The following NPAS3 variants were observed in gnomAD, a reference collection of about 807,000 sequenced individuals.
NPAS3 encodes neuronal PAS domain-containing protein 3.
A neutral mutation model predicts 73.1 loss-of-function variants in NPAS3; 14 were observed. The observed-to-expected ratio is 0.19, with a 90% CI of 0.13 to 0.30. The LOEUF (loss-of-function observed/expected upper bound fraction) is 0.30. Among genes scored for constraint, NPAS3 ranks in the 10% least tolerant of loss-of-function variants. The probability of loss-of-function intolerance (pLI) is 1.00; values close to 1 mark genes in which losing one functional copy is unlikely to be tolerated. For missense variants in NPAS3, 1,096 were observed against 1,250.0 expected (o/e 0.88, Z 1.86); for synonymous variants, 620 against 541.5 (o/e 1.14, Z -2.01).
rs76007742 is a variant in NPAS3 at position 33,222,077 on chromosome 14, A to G, written c.385+6651A>G. Among the ~76,000 whole-genome samples, 765 of 152,272 alleles carry G rather than the reference A, an allele frequency of 5.0e-3. 11 individuals are homozygous for G. The highest frequency in any genetic ancestry group is 0.017 in the African/African-American group (707 of 41,554). Reference sequence around the variant, plus strand: ...GACTGGACAAAAAAGGCATGATGTAATGATAATAACTTGAGGGGAATTCCA... The same window carrying G: ...GACTGGACAAAAAAGGCATGATGTAGTGATAATAACTTGAGGGGAATTCCA... On this transcript the variant is annotated intron_variant, in intron 3 of 11. Transcript: ENST00000356141.
At chr14:33,088,261 A>C (rs1006671955) in intron 2 of NPAS3, among the ~76,000 whole-genome samples, 3 of 150,380 alleles carry the variant, frequency 2.0e-5, no homozygotes, top group South Asian at 4.1e-4. Context: ...CAGGAAGTGC[A>C]AGGGGTCAGG....
In NPAS3 at chr14:33,714,642, C is replaced by G. The variant is rs182353415; in HGVS notation, c.734-20572C>G. Among the ~76,000 whole-genome samples the G allele has an allele frequency of 4.6e-5, 7 of 152,172 alleles. No homozygotes were observed. The East Asian group carries it at 1.4e-3, about 29-fold the overall frequency. On this transcript the variant is annotated intron_variant, in intron 6 of 11. Transcript: ENST00000356141. ...ACTATATTTTCTTTAATTTATTTCC[C>G]TTTTTAAAAGCAAGAGAGATAATTA...
At chr14:33,078,124 G>T (rs924941859) in intron 2 of NPAS3, among the ~76,000 whole-genome samples, 1 of 151,688 alleles carries the variant, frequency 6.6e-6, no homozygotes, top group African/African-American at 2.4e-5. Context: ...GGGCAACAGA[G>T]CAAGACTGTT....
chr14:33,734,407 C>T (rs2061474595), intron 6 of NPAS3, among the ~76,000 whole-genome samples: 3 of 152,134 alleles, frequency 2.0e-5, no homozygotes, highest in African/African-American at 7.2e-5. Flanking sequence ...AGACGGCAAA[C>T]TACCATTTTA....
chr14:33,375,478 C>T (rs1315144), intron 4 of NPAS3, among the ~76,000 whole-genome samples: 3,186 of 152,190 alleles, frequency 0.021, 45 homozygotes, highest in Non-Finnish European at 0.029. Context: ...CTGTGTTGCA[C>T]GGCTTTTAAG....
intron 5 of NPAS3, among the ~76,000 whole-genome samples, chr14:33,616,640 TCA>T (rs1286551165): frequency 6.6e-6 from 1 of 152,206 alleles, no homozygotes; most frequent in Non-Finnish European, 1.5e-5. Context: ...TGTTGGAATC[TCA>T]CTCTCAGCGC....
chr14:33,118,951 T>C (rs957447603), intron 2 of NPAS3, among the ~76,000 whole-genome samples: 2 of 151,866 alleles, frequency 1.3e-5, no homozygotes, highest in Admixed American at 6.6e-5. Flanking sequence ...TGCAGTTCAG[T>C]TTGTGCCTAA....
intron 5 of NPAS3, among the ~76,000 whole-genome samples, chr14:33,640,209 A>T (rs1422642443): frequency 6.6e-6 from 1 of 152,014 alleles, no homozygotes; most frequent in African/African-American, 2.4e-5. Context: ...AAAAAAAATT[A>T]TCTGTATAAT....
At chr14:33,428,001 A>G (rs1177846290) in intron 4 of NPAS3, among the ~76,000 whole-genome samples, 1 of 152,110 alleles carries the variant, frequency 6.6e-6, no homozygotes, top group Non-Finnish European at 1.5e-5. Flanking sequence ...GTGTTTTGTT[A>G]TAGTGGTAGT....
At chr14:33,643,329 C>G (rs145818559) in intron 5 of NPAS3, among the ~76,000 whole-genome samples, 1 of 137,152 alleles carries the variant, frequency 7.3e-6, no homozygotes, top group Non-Finnish European at 1.5e-5. Flanking sequence ...TGTAAAACAC[C>G]AACACCCCAG....
chr14:33,729,406 C>T (rs540448630), intron 6 of NPAS3, among the ~76,000 whole-genome samples: 1 of 152,042 alleles, frequency 6.6e-6, no homozygotes, highest in Non-Finnish European at 1.5e-5. Context: ...CAAATTACCC[C>T]CAAATATTGA....
At chr14:33,265,414 C>T (rs2049133283) in intron 3 of NPAS3, among the ~76,000 whole-genome samples, 1 of 152,158 alleles carries the variant, frequency 6.6e-6, no homozygotes, top group African/African-American at 2.4e-5. Flanking sequence ...TATATTTTTT[C>T]TCCCTATGGA....
At chr14:33,102,570 GTATTATTTT>G (rs570093582) in intron 2 of NPAS3, among the ~76,000 whole-genome samples, 1 of 152,142 alleles carries the variant, frequency 6.6e-6, no homozygotes, top group Non-Finnish European at 1.5e-5. Flanking sequence ...TTAACTGTTT[GTATTATTTT>G]TATTGGAGTG....
intron 3 of NPAS3, among the ~76,000 whole-genome samples, chr14:33,287,396 G>A (rs1347188386): frequency 1.3e-5 from 2 of 152,132 alleles, no homozygotes; most frequent in Non-Finnish European, 2.9e-5. Context: ...AGGAGGTGAG[G>A]CGTGTAGGTC....
intron 4 of NPAS3, among the ~76,000 whole-genome samples, chr14:33,523,960 C>T (rs945891524): frequency 6.5e-4 from 99 of 152,146 alleles, no homozygotes; most frequent in Non-Finnish European, 1.4e-3. Flanking sequence ...GTAACGGATG[C>T]TATTGTGTCC....
At chr14:33,488,407 C>G (rs559256301) in intron 4 of NPAS3, among the ~76,000 whole-genome samples, 5 of 152,042 alleles carry the variant, frequency 3.3e-5, no homozygotes, top group Admixed American at 1.3e-4. Context: ...TACGCAGCCC[C>G]GTGCACAGAC....
At chr14:33,153,652 C>G (rs1193732725) in intron 2 of NPAS3, among the ~76,000 whole-genome samples, 1 of 152,148 alleles carries the variant, frequency 6.6e-6, no homozygotes, top group African/African-American at 2.4e-5. Flanking sequence ...GTGGTCTCAG[C>G]AGCTGAGACC....
chr14:33,024,794 T>A (rs2039743270), intron 1 of NPAS3, among the ~76,000 whole-genome samples: 1 of 152,224 alleles, frequency 6.6e-6, no homozygotes, highest in Non-Finnish European at 1.5e-5. Context: ...TGTTTATGTG[T>A]ATCTGTAGTT....
chr14:33,194,124 G>A (rs1030298995), intron 2 of NPAS3, among the ~76,000 whole-genome samples: 1 of 152,116 alleles, frequency 6.6e-6, no homozygotes, highest in Non-Finnish European at 1.5e-5. Context: ...AAATTGGCTG[G>A]TATTATTTTT....
Sources: allele counts gnomAD v4.1 joint callset (sites outside exome capture counted in the v4.1 genomes callset), GRCh38; gene constraint gnomAD v4.1.1; transcripts MANE v1.5; gene names NCBI Gene and HGNC (gene_info 2026-07-23, HGNC 2026-07-21).